The following TOX variants were observed in gnomAD, a reference collection of about 807,000 sequenced individuals.
TOX encodes thymocyte selection associated high mobility group box, also known as thymocyte selection-associated high mobility group box protein TOX.
Under a neutral mutation model 53.7 loss-of-function variants are expected in TOX, and 11 were observed. The observed-to-expected ratio is 0.20, with a 90% CI of 0.13 to 0.34. The LOEUF is 0.34. Ranked by LOEUF, TOX falls within the 10% of genes least tolerant of loss-of-function variation. The pLI, the probability that TOX is intolerant of heterozygous loss-of-function variation, is 1.00. For missense variants in TOX, 570 were observed against 664.6 expected, an observed-to-expected ratio of 0.86 and a Z score of 1.56; for synonymous variants, 225 against 245.3, an observed-to-expected ratio of 0.92 and a Z score of 0.77.
chr8:58,957,902 T>C (rs1812738063), intron 2 of TOX, among the ~76,000 whole-genome samples: 1 of 152,164 alleles, frequency 6.6e-6, no homozygotes, highest in Admixed American at 6.5e-5. Flanking sequence ...TACCAGGTAA[T>C]GAATTCTTGA....
intron 1 of TOX, among the ~76,000 whole-genome samples, chr8:59,107,918 G>A (rs1054986320): frequency 2.6e-5 from 4 of 152,162 alleles, no homozygotes; most frequent in Non-Finnish European, 4.4e-5. Context: ...AATATTCTCT[G>A]ATGTGGGTTT....
chr8:58,930,337 A>C (rs111939451), intron 3 of TOX, among the ~76,000 whole-genome samples: 2 of 152,368 alleles, frequency 1.3e-5, no homozygotes, highest in African/African-American at 4.8e-5. Flanking sequence ...CTGTACACTT[A>C]TATAGAGCAT....
At chr8:59,080,458 A>G (rs969172603) in intron 1 of TOX, among the ~76,000 whole-genome samples, 1 of 152,196 alleles carries the variant, frequency 6.6e-6, no homozygotes, top group Non-Finnish European at 1.5e-5. Flanking sequence ...TAATGCTGGA[A>G]TGAGTTAAGA....
chr8:59,010,395 A>T (rs1350320021), intron 1 of TOX, among the ~76,000 whole-genome samples: 1 of 152,356 alleles, frequency 6.6e-6, no homozygotes, highest in Admixed American at 6.5e-5. Flanking sequence ...TGAAGTATTT[A>T]TGTGTGAGTG....
intron 1 of TOX, among the ~76,000 whole-genome samples, chr8:59,081,829 ATGGGACT>A (rs796751335): frequency 1.1e-4 from 16 of 152,290 alleles, no homozygotes; most frequent in African/African-American, 3.8e-4. Flanking sequence ...ATAACTGACA[ATGGGACT>A]TGATTGAAAA....
chr8:59,021,481 A>ATAT (rs1554539852), intron 1 of TOX, among the ~76,000 whole-genome samples: 661 of 64,716 alleles, frequency 0.01, 10 homozygotes, highest in Middle Eastern at 0.048. Flanking sequence ...AAAAAAAAAA[A>ATAT]ATATATATAT....
chr8:59,052,214 A>C (rs1400245146), intron 1 of TOX, among the ~76,000 whole-genome samples: 1 of 152,208 alleles, frequency 6.6e-6, no homozygotes, highest in Non-Finnish European at 1.5e-5. Flanking sequence ...TTATAACATT[A>C]TTTTATATGT....
At chr8:58,842,463 C>T (rs1281282897) in intron 4 of TOX, among the ~76,000 whole-genome samples, 1 of 152,210 alleles carries the variant, frequency 6.6e-6, no homozygotes, top group Non-Finnish European at 1.5e-5. Context: ...AGAAATATAT[C>T]TCTGTTCTTT....
At chr8:59,058,533 T>C (rs925834509) in intron 1 of TOX, among the ~76,000 whole-genome samples, 32 of 152,160 alleles carry the variant, frequency 2.1e-4, no homozygotes, top group African/African-American at 7.0e-4. Context: ...TTGGAGACAC[T>C]AAGTTCCGGA....
In TOX at chr8:59,119,004, G is replaced by A. The variant is rs1324282040; in HGVS notation, c.-17C>T. 9.0e-6 allele frequency: 14 copies of A among 1,550,726 alleles called. No individual in the cohort carries two copies. Among genetic ancestry groups the A allele is most frequent in the African/African-American group, 1.4e-5 (1 of 72,332 alleles). ...TACGTCCATTTCACTCTCACATCAAGCAACTCCTTTTCTTTTTCCTTTTTT... is the reference window on the plus strand; with the variant it reads ...TACGTCCATTTCACTCTCACATCAAACAACTCCTTTTCTTTTTCCTTTTTT... On this transcript the variant is annotated 5_prime_UTR_variant, in exon 1 of 9. Coordinates refer to ENST00000361421, the MANE Select transcript of TOX (RefSeq NM_014729.3).
At position 58,963,308 on chromosome 8, in the gene TOX, T is replaced by TAG. The variant is rs1487175518; in HGVS notation, c.103-3301_103-3300insCT. Among the ~76,000 whole-genome samples the TAG allele has an allele frequency of 5.8e-3, 561 of 96,318 alleles. 7 individuals are homozygous for TAG. Among genetic ancestry groups the TAG allele is most frequent in the Middle Eastern group, 0.026 (5 of 190 alleles). 63.2% of individuals were successfully genotyped at this position (96,318 alleles called of 152,430 possible). A position where few individuals can be genotyped will look rare whatever the true frequency, so the allele number is the denominator to read the frequency against. ...GATAGATAGAAGATAGATAGATAGA[T>TAG]ATATATATAGATAGATAGATAGATA... On this transcript the variant is annotated intron_variant, in intron 1 of 8. Transcript: ENST00000361421.
In TOX at chr8:59,079,107, A is replaced by C. The variant is rs533758492; in HGVS notation, c.102+39779T>G. On this transcript the variant is annotated intron_variant, in intron 1 of 8. Transcript: ENST00000361421. ...GTAACTTGGCTGCTTCTAACAACCT[A>C]AGCTCAGATGTGGGTGCAAAGGAAT... 9.2e-5 allele frequency among the ~76,000 whole-genome samples: 14 copies of C among 152,310 alleles called. No individual in the cohort carries two copies. The South Asian group carries it at 2.9e-3, about 32-fold the overall frequency.
At chr8:58,892,722 C>T (rs75797397) in intron 3 of TOX, among the ~76,000 whole-genome samples, 2,388 of 152,232 alleles carry the variant, frequency 0.016, 74 homozygotes, top group African/African-American at 0.053. Context: ...ATTGCTTGCA[C>T]GAGGTGGCCT....
intron 1 of TOX, among the ~76,000 whole-genome samples, chr8:58,992,400 C>A (rs562694878): frequency 6.6e-6 from 1 of 152,092 alleles, no homozygotes; most frequent in Non-Finnish European, 1.5e-5. Context: ...CTTATATAGG[C>A]ACAGGATGTC....
chr8:58,953,233 T>A (rs557732024), intron 2 of TOX, among the ~76,000 whole-genome samples: 13 of 152,306 alleles, frequency 8.5e-5, no homozygotes, highest in African/African-American at 3.1e-4. Context: ...TGTGTTTGAC[T>A]ATCCCAAGCC....
intron 3 of TOX, among the ~76,000 whole-genome samples, chr8:58,892,707 A>C (rs1220997753): frequency 1.3e-5 from 2 of 152,124 alleles, no homozygotes; most frequent in African/African-American, 4.8e-5. Context: ...AAATGTATGG[A>C]CTGTATTGCT....
chr8:58,875,562 C>T (rs998776596), intron 3 of TOX, among the ~76,000 whole-genome samples: 1 of 152,026 alleles, frequency 6.6e-6, no homozygotes, highest in African/African-American at 2.4e-5. Context: ...CTAAAAAGAG[C>T]ATAATAAGTT....
In TOX at chr8:58,833,062, G is replaced by A. The variant is rs535211158; in HGVS notation, c.924+5019C>T. Among the ~76,000 whole-genome samples the A allele has an allele frequency of 8.5e-5, 13 of 152,282 alleles. 1 individual carries two copies. The East Asian group carries it at 1.5e-3, about 18-fold the overall frequency. ...AAATACACTCTGGGTACCGTGGGCT[G>A]TGGTTTCTCCTGAATACACTAAACT... On this transcript the variant is annotated intron_variant, in intron 5 of 8. Transcript: ENST00000361421.
Position 58,869,225 on chromosome 8 carries a change from CA to C in TOX, c.412-17421del, listed in dbSNP as rs59540993. Among the ~76,000 whole-genome samples the C allele has an allele frequency of 8.6e-3, 777 of 90,850 alleles. 3 individuals are homozygous for C. The highest frequency in any genetic ancestry group is 0.025 in the African/African-American group (584 of 23,494). The allele number at this position is 90,850 out of a possible 152,430, so 59.6% of individuals were successfully genotyped here. ...CTGGCAACAGAGCGAGACTGCGTCT[CA>C]AAAAAAAAAAAAAAAAAGCGTTAAT... On this transcript the variant is annotated intron_variant, in intron 3 of 8. Transcript: ENST00000361421.
Sources: allele counts gnomAD v4.1 joint callset (sites outside exome capture counted in the v4.1 genomes callset), GRCh38; gene constraint gnomAD v4.1.1; transcripts MANE v1.5; gene names NCBI Gene and HGNC (gene_info 2026-07-23, HGNC 2026-07-21).